The following ITGA9 variants were observed in gnomAD, a reference collection of about 807,000 sequenced individuals.
ITGA9 encodes integrin subunit alpha 9, also known as integrin alpha-9.
Under a neutral mutation model 127.8 loss-of-function variants are expected in ITGA9, and 56 were observed. The ratio of observed to expected loss-of-function variants is 0.44; its 90% CI spans 0.35 to 0.55. The LOEUF (loss-of-function observed/expected upper bound fraction) is 0.55. Among genes scored for constraint, ITGA9 ranks in the 20% least tolerant of loss-of-function variants. The pLI, the probability that ITGA9 is intolerant of heterozygous loss-of-function variation, is 0.00. For missense variants in ITGA9, 1,196 were observed against 1,347.1 expected (o/e 0.89, Z 1.76); for synonymous variants, 508 against 514.5 (o/e 0.99, Z 0.17).
intron 6 of ITGA9, among the ~76,000 whole-genome samples, chr3:37,505,287 TTAG>T (rs1480287850): frequency 1.3e-5 from 2 of 152,198 alleles, no homozygotes; most frequent in Non-Finnish European, 2.9e-5. Flanking sequence ...CATAAAGTTT[TTAG>T]ACTGAAAGAG....
At chr3:37,544,181 C>G (rs1427024088) in intron 15 of ITGA9, among the ~76,000 whole-genome samples, 2 of 152,136 alleles carry the variant, frequency 1.3e-5, no homozygotes, top group Non-Finnish European at 2.9e-5. Flanking sequence ...TCCTTTGTTC[C>G]TAGTTACCAA....
Position 37,661,973 on chromosome 3 carries a change from A to G in ITGA9, c.1916+8183A>G, listed in dbSNP as rs189452540. 3.1e-3 allele frequency among the ~76,000 whole-genome samples: 466 copies of G among 152,354 alleles called. 4 individuals carry two copies. The highest frequency in any genetic ancestry group is 0.01 in the Middle Eastern group (3 of 294). ...GGTGTCTGGAATGAAGGAGGCAGTCAGGAGAACACAGTGAGAGACAGGGAA... is the reference window on the plus strand; with the variant it reads ...GGTGTCTGGAATGAAGGAGGCAGTCGGGAGAACACAGTGAGAGACAGGGAA... On this transcript the variant is annotated intron_variant, in intron 17 of 27. Coordinates refer to ENST00000264741, the MANE Select transcript of ITGA9 (RefSeq NM_002207.3).
In ITGA9 at chr3:37,473,469, C is replaced by G; in HGVS notation, c.420+9C>G. 3 of 1,603,254 alleles carry G rather than the reference C, an allele frequency of 1.9e-6. No homozygotes were observed. In the South Asian group the frequency reaches 3.3e-5, roughly 18 times the overall value. ...CTGATGGCCGTGTGTTGGTAAGTCC[C>G]TCCTGGGGGTGCTGTGGGAAGGGGG... is the stretch of plus-strand genomic sequence containing the variant. On this transcript the variant is annotated intron_variant, in intron 3 of 27. Transcript: ENST00000264741.
At chr3:37,622,901 T>C (rs1234510604) in intron 15 of ITGA9, among the ~76,000 whole-genome samples, 3 of 152,208 alleles carry the variant, frequency 2.0e-5, no homozygotes, top group Admixed American at 6.5e-5. Context: ...TCAGTCATTA[T>C]ACAAGGTATA....
At chr3:37,635,561 T>TTTTTA (rs149340883) in intron 16 of ITGA9, among the ~76,000 whole-genome samples, 4,368 of 149,342 alleles carry the variant, frequency 0.029, 130 homozygotes, top group Admixed American at 0.096. Flanking sequence ...ATGAAAATTG[T>TTTTTA]TTTTATTTTA....
chr3:37,548,471 T>C (rs1450729569), intron 15 of ITGA9, among the ~76,000 whole-genome samples: 1 of 152,234 alleles, frequency 6.6e-6, no homozygotes, highest in African/African-American at 2.4e-5. Flanking sequence ...TCAATCAAAC[T>C]TATTTTGTTA....
chr3:37,730,044 A>G (rs1696268549), intron 18 of ITGA9, among the ~76,000 whole-genome samples: 1 of 152,202 alleles, frequency 6.6e-6, no homozygotes, highest in Non-Finnish European at 1.5e-5. Flanking sequence ...CTTAAAATTA[A>G]AGCTTCTCTC....
At chr3:37,815,084 T>C (rs1188344327) in intron 27 of ITGA9, among the ~76,000 whole-genome samples, 1 of 152,194 alleles carries the variant, frequency 6.6e-6, no homozygotes, top group East Asian at 1.9e-4. Context: ...ACCACTCCAC[T>C]GAGAGAAAGA....
Position 37,822,073 on chromosome 3 carries a change from A to C in ITGA9, c.*3084A>C, listed in dbSNP as rs942202039. ...GGAAGCAGATGGGGTGGATCAGTAC[A>C]TCTGTGTTACCCTTCCAGAATATTA... On this transcript the variant is annotated 3_prime_UTR_variant, in exon 28 of 28. Transcript: ENST00000264741. 2 of 152,078 alleles carry C rather than the reference A, an allele frequency of 1.3e-5. No homozygotes were observed. Among genetic ancestry groups the C allele is most frequent in the Non-Finnish European group, 2.9e-5 (2 of 68,018 alleles). The allele number at this position is 152,078 out of a possible 1,614,324, so 9.4% of individuals were successfully genotyped here.
rs1358132289 is a variant in ITGA9, at chr3:37,564,018, A to T, written c.1689+21433A>T. On this transcript the variant is annotated intron_variant, in intron 15 of 27. Coordinates refer to ENST00000264741, the MANE Select transcript of ITGA9 (RefSeq NM_002207.3). ...TGTCAAAAAACAAAACAAAATTTTG[A>T]ATTCAAATTAATTTTGGAACATAAT... Among the ~76,000 whole-genome samples the T allele has an allele frequency of 2.6e-5, 4 of 152,234 alleles. No homozygotes were observed. The East Asian group carries it at 7.7e-4, about 29-fold the overall frequency.
chr3:37,750,688 C>T, intron 23 of ITGA9, 119 bp downstream of exon 23: 4 of 762,432 alleles, frequency 5.2e-6, no homozygotes, highest in Non-Finnish European at 7.0e-6. Flanking sequence ...CTCATTCTAC[C>T]CTTTGGAGAC....
intron 10 of ITGA9, among the ~76,000 whole-genome samples, chr3:37,518,093 C>CGT (rs55842055): frequency 0.028 from 4,050 of 144,168 alleles, 68 homozygotes; most frequent in African/African-American, 0.041. Flanking sequence ...AGAGTGTACG[C>CGT]GTGTGTGTGT....
At chr3:37,569,799 T>C (rs569289759) in intron 15 of ITGA9, among the ~76,000 whole-genome samples, 45 of 152,226 alleles carry the variant, frequency 3.0e-4, no homozygotes, top group Non-Finnish European at 6.0e-4. Context: ...TTATAGGTCA[T>C]GTGTAGAAGG....
intron 4 of ITGA9, 56 bp from the exon 5 acceptor site, chr3:37,494,445 A>G (rs1698705858): frequency 7.7e-7 from 1 of 1,299,394 alleles, no homozygotes; most frequent in Non-Finnish European, 1.1e-6. Flanking sequence ...CTCCACGCAC[A>G]GCTGGCATAC....
At chr3:37,757,166 CA>C (rs1559589532) in intron 23 of ITGA9, among the ~76,000 whole-genome samples, 1 of 151,694 alleles carries the variant, frequency 6.6e-6, no homozygotes, top group Non-Finnish European at 1.5e-5. Flanking sequence ...TTATTAAAGA[CA>C]AAGCATATCC....
intron 4 of ITGA9, among the ~76,000 whole-genome samples, chr3:37,488,833 TA>T (rs1362112665): frequency 6.6e-6 from 1 of 151,912 alleles, no homozygotes; most frequent in Non-Finnish European, 1.5e-5. Flanking sequence ...ATAAATAACA[TA>T]AAAATTACCA....
intron 18 of ITGA9, among the ~76,000 whole-genome samples, chr3:37,720,867 G>A (rs1170936806): frequency 4.6e-5 from 7 of 152,304 alleles, no homozygotes; most frequent in Non-Finnish European, 7.4e-5. Context: ...AGAGGGACAC[G>A]TTAGGAACGA....
intron 15 of ITGA9, among the ~76,000 whole-genome samples, chr3:37,543,332 TG>T (rs1699294264): frequency 6.6e-6 from 1 of 151,938 alleles, no homozygotes; most frequent in African/African-American, 2.4e-5. Context: ...GGCCACATGG[TG>T]GGTGGAATGA....
At position 37,771,304 on chromosome 3, in the gene ITGA9, C is replaced by T. The variant is rs147756181; in HGVS notation, c.2542-6088C>T. On this transcript the variant is annotated intron_variant, in intron 23 of 27. Coordinates refer to ENST00000264741, the MANE Select transcript of ITGA9 (RefSeq NM_002207.3). ...TCCCCTTGACTTTGAGCAAAGAGTGCGGTTAAAACCAAGTTGTGGGAGGAT... is the reference window on the plus strand; with the variant it reads ...TCCCCTTGACTTTGAGCAAAGAGTGTGGTTAAAACCAAGTTGTGGGAGGAT... 1.8e-3 allele frequency among the ~76,000 whole-genome samples: 269 copies of T among 152,260 alleles called. 3 individuals are homozygous for T. The highest frequency in any genetic ancestry group is 6.2e-3 in the African/African-American group (258 of 41,546).
Sources: allele counts gnomAD v4.1 joint callset (sites outside exome capture counted in the v4.1 genomes callset), GRCh38; gene constraint gnomAD v4.1.1; transcripts MANE v1.5; gene names NCBI Gene and HGNC (gene_info 2026-07-23, HGNC 2026-07-21).